SRGAP3: variants seen among roughly 807,000 people sequenced by gnomAD.
The protein encoded by SRGAP3 is SLIT-ROBO Rho GTPase activating protein 3.
SRGAP3 carries 39 observed loss-of-function variants against 121.1 expected under a neutral mutation model. The ratio of observed to expected loss-of-function variants is 0.32; its 90% CI spans 0.25 to 0.42. The LOEUF is 0.42. Among genes scored for constraint, SRGAP3 ranks in the 10% least tolerant of loss-of-function variants. The pLI, the probability that SRGAP3 is intolerant of heterozygous loss-of-function variation, is 1.00. For synonymous variants in SRGAP3, 601 were observed against 570.0 expected (o/e 1.05, Z -0.77); for missense variants, 1,213 against 1,470.6 (o/e 0.82, Z 2.86).
intron 1 of SRGAP3, among the ~76,000 whole-genome samples, chr3:9,156,214 G>A (rs1049963206): frequency 6.6e-6 from 1 of 152,210 alleles, no homozygotes; most frequent in Non-Finnish European, 1.5e-5. Context: ...AGTGAGTTTG[G>A]GAGGGTGTCA....
intron 9 of SRGAP3, chr3:9,049,244 A>T (rs2125148608): frequency 2.7e-6 from 1 of 369,832 alleles, no homozygotes; most frequent in Non-Finnish European, 5.4e-6. Context: ...GACTGGGGTC[A>T]CCTCACACTG....
At chr3:9,285,496 C>T (rs945611283) in intron 3 of SRGAP3, among the ~76,000 whole-genome samples, 1 of 152,152 alleles carries the variant, frequency 6.6e-6, no homozygotes, top group Non-Finnish European at 1.5e-5. Context: ...AAAAAAATGT[C>T]CTCATCTCTG....
At chr3:9,112,807 T>C (rs536423765) in intron 2 of SRGAP3, among the ~76,000 whole-genome samples, 36 of 152,332 alleles carry the variant, frequency 2.4e-4, no homozygotes, top group African/African-American at 8.2e-4. Flanking sequence ...CCTTTTTGCT[T>C]CTGGTCTTTG....
intron 1 of SRGAP3, among the ~76,000 whole-genome samples, chr3:9,205,523 A>G (rs1385859665): frequency 1.3e-5 from 2 of 152,194 alleles, no homozygotes; most frequent in Non-Finnish European, 2.9e-5. Context: ...CATTTGCATC[A>G]CCACACAGAG....
intron 21 of SRGAP3, among the ~76,000 whole-genome samples, chr3:8,990,222 T>C (rs1941954567): frequency 1.3e-5 from 2 of 152,232 alleles, no homozygotes; most frequent in African/African-American, 4.8e-5. Context: ...TCGTATCATT[T>C]TGTGTAGTGA....
chr3:9,321,003 C>T (rs1308719518), intron 3 of SRGAP3, among the ~76,000 whole-genome samples: 2 of 151,878 alleles, frequency 1.3e-5, no homozygotes, highest in Non-Finnish European at 2.9e-5. Flanking sequence ...GACTTAGTGA[C>T]TTACTTCTAA....
chr3:9,094,373 C>T (rs938595247), intron 3 of SRGAP3, among the ~76,000 whole-genome samples: 4 of 152,164 alleles, frequency 2.6e-5, no homozygotes, highest in African/African-American at 9.7e-5. Flanking sequence ...ATTTCCCTAG[C>T]GATGGACATT....
At chr3:9,360,643 T>C (rs896921907) in intron 1 of SRGAP3, among the ~76,000 whole-genome samples, 5 of 152,188 alleles carry the variant, frequency 3.3e-5, no homozygotes, top group East Asian at 1.9e-4. Context: ...TGAAAGGCAC[T>C]TCTTACATGG....
chr3:9,121,216 A>G (rs781017700), intron 2 of SRGAP3, among the ~76,000 whole-genome samples: 7 of 152,090 alleles, frequency 4.6e-5, no homozygotes, highest in Non-Finnish European at 8.8e-5. Flanking sequence ...CAGCTCTGCC[A>G]AGCACCTGAC....
intron 19 of SRGAP3, 75 bp downstream of exon 19, chr3:8,994,268 A>T: frequency 6.3e-7 from 1 of 1,588,052 alleles, no homozygotes; most frequent in South Asian, 1.1e-5. Flanking sequence ...ACAAGCTAGC[A>T]CTCCCCTACG....
At chr3:9,189,808 C>T (rs181537632) in intron 1 of SRGAP3, among the ~76,000 whole-genome samples, 17 of 152,338 alleles carry the variant, frequency 1.1e-4, no homozygotes, top group African/African-American at 3.6e-4. Flanking sequence ...AAAGGAAGAA[C>T]TGACACCCAG....
In SRGAP3 at chr3:8,994,386, C is replaced by T. The variant is rs757405998; in HGVS notation, c.2365G>A (p.Val789Met). 37 of 1,614,110 alleles carry T rather than the reference C, an allele frequency of 2.3e-5. No individual in the cohort carries two copies. Among genetic ancestry groups the T allele is most frequent in the Middle Eastern group, 1.6e-4 (1 of 6,084 alleles). ...TACTGATGGGGGATGAGTCCATCCA[C>T]GCCGTTGTGCCGGCCCTCCCACCAG... Reference protein sequence around the residue: ...EDWWEGRHNGVDGLIPHQYIV... With the variant: ...EDWWEGRHNGMDGLIPHQYIV... The change falls in exon 19 of 22, where the codon GTG becomes ATG. Residue 789 changes from valine to methionine, a missense_variant. By Grantham distance (21) the Val-to-Met change is conservative (BLOSUM62 1). Coordinates refer to ENST00000383836, the MANE Select transcript of SRGAP3 (RefSeq NM_014850.4).
At position 8,994,709 on chromosome 3, in the gene SRGAP3, C is replaced by T. The variant is rs540465580; in HGVS notation, c.2228-186G>A. Among the ~76,000 whole-genome samples, 208 of 152,318 alleles carry T rather than the reference C, an allele frequency of 1.4e-3. 1 individual carries two copies. The highest frequency in any genetic ancestry group is 2.1e-3 in the Non-Finnish European group (142 of 68,026). On this transcript the variant is annotated intron_variant, in intron 18 of 21. Transcript: ENST00000383836. ...CCTAGCCTCAGATCCACTCTCCACC[C>T]TGCAACCTCAGGAAAACCATCAAAC...
At chr3:9,168,187 T>A (rs998607837) in intron 1 of SRGAP3, among the ~76,000 whole-genome samples, 2 of 152,204 alleles carry the variant, frequency 1.3e-5, no homozygotes, top group Non-Finnish European at 2.9e-5. Context: ...TAAAATGCAG[T>A]CTTGACTTAG....
In SRGAP3 at chr3:9,091,431, C is replaced by T. The variant is rs755650380; in HGVS notation, c.424-11344G>A. 2.4e-4 allele frequency among the ~76,000 whole-genome samples: 37 copies of T among 152,050 alleles called. 1 individual carries two copies. The highest frequency in any genetic ancestry group is 4.6e-4 in the Non-Finnish European group (31 of 68,020). On this transcript the variant is annotated intron_variant, in intron 3 of 21. Transcript: ENST00000383836. Reference sequence around the variant, plus strand: ...CTTTGTCTCTTTCAGTCCTAAATGCCGACAGATCCTACCCACTTCTTCTCC... The same window carrying T: ...CTTTGTCTCTTTCAGTCCTAAATGCTGACAGATCCTACCCACTTCTTCTCC...
chr3:9,047,622 G>T, intron 9 of SRGAP3, 147 bp from the exon 10 acceptor site: 1 of 770,074 alleles, frequency 1.3e-6, no homozygotes, highest in Non-Finnish European at 2.2e-6. Context: ...AGAGGCCTCT[G>T]CATCTGCGTC....
intron 1 of SRGAP3, among the ~76,000 whole-genome samples, chr3:9,352,795 T>C (rs987940932): frequency 5.9e-5 from 9 of 152,202 alleles, no homozygotes; most frequent in South Asian, 2.1e-4. Flanking sequence ...CTCAATTTCA[T>C]CACCTGTATA....
intron 2 of SRGAP3, among the ~76,000 whole-genome samples, chr3:9,326,327 T>A (rs1475361032): frequency 6.6e-6 from 1 of 151,898 alleles, no homozygotes; most frequent in South Asian, 2.1e-4. Context: ...GACAATTGAA[T>A]GAAATCCCTT....
chr3:9,357,486 C>G (rs2125297506), intron 1 of SRGAP3, among the ~76,000 whole-genome samples: 1 of 152,090 alleles, frequency 6.6e-6, no homozygotes, highest in Middle Eastern at 3.4e-3. Flanking sequence ...AAGTGATCCT[C>G]CCACTTCTGC....
Sources: allele counts gnomAD v4.1 joint callset (sites outside exome capture counted in the v4.1 genomes callset), GRCh38; gene constraint gnomAD v4.1.1; transcripts MANE v1.5; gene names NCBI Gene and HGNC (gene_info 2026-07-23, HGNC 2026-07-21).